Variants in GPC3 observed in about 807,000 individuals in gnomAD.
GPC3 encodes the protein glypican-3.
GPC3 carries 3 observed loss-of-function variants against 34.4 expected under a neutral mutation model. The observed-to-expected ratio is 0.09, with a 90% CI of 0.04 to 0.23. The LOEUF is 0.23. Among genes scored for constraint, GPC3 ranks in the 10% least tolerant of loss-of-function variants. The pLI, the probability that GPC3 is intolerant of heterozygous loss-of-function variation, is 1.00. For missense variants in GPC3, 351 were observed against 445.6 expected (o/e 0.79, Z 1.91); for synonymous variants, 177 against 174.0 (o/e 1.02, Z -0.13).
At chrX:133,879,729 C>T (rs2076033286) in intron 2 of GPC3, among the ~76,000 whole-genome samples, 1 of 109,482 alleles carries the variant, frequency 9.1e-6, no homozygotes, top group African/African-American at 3.3e-5. Flanking sequence ...TCATTTGAAC[C>T]CAGGAGGTGG....
At chrX:133,803,161 G>A (rs1199175686) in intron 2 of GPC3, among the ~76,000 whole-genome samples, 1 of 111,586 alleles carries the variant, frequency 9.0e-6, no homozygotes, top group Non-Finnish European at 1.9e-5. Context: ...TCCTGACCTC[G>A]TGATCCGCCC....
chrX:133,950,980 C>T (rs1330303786), intron 2 of GPC3, among the ~76,000 whole-genome samples: 1 of 109,353 alleles, frequency 9.1e-6, no homozygotes, highest in Non-Finnish European at 1.9e-5. Flanking sequence ...TTAGCTCAGA[C>T]ATAATTTCAT....
intron 6 of GPC3, among the ~76,000 whole-genome samples, chrX:133,639,855 A>G (rs766231407): frequency 1.7e-4 from 19 of 111,099 alleles, no homozygotes; most frequent in Non-Finnish European, 3.4e-4. Context: ...GCTGTTCTCA[A>G]TACTGTCATG....
At chrX:133,845,783 T>C (rs1178418968) in intron 2 of GPC3, among the ~76,000 whole-genome samples, 2 of 112,273 alleles carry the variant, frequency 1.8e-5, no homozygotes, top group African/African-American at 6.5e-5. Context: ...AGGGTCTTCC[T>C]CTCTCACAGT....
intron 2 of GPC3, among the ~76,000 whole-genome samples, chrX:133,811,566 A>G (rs1324767162): frequency 9.0e-6 from 1 of 111,569 alleles, no homozygotes; most frequent in Non-Finnish European, 1.9e-5. Context: ...TTAAATCTCT[A>G]TTGCATATCT....
chrX:133,851,042 G>A (rs1021222787), intron 2 of GPC3, among the ~76,000 whole-genome samples: 13 of 111,554 alleles, frequency 1.2e-4, no homozygotes, highest in African/African-American at 4.2e-4. Flanking sequence ...AGTTGGAGGT[G>A]CAGTGAGCTG....
chrX:133,847,317 A>G (rs1285477287), intron 2 of GPC3, among the ~76,000 whole-genome samples: 1 of 111,948 alleles, frequency 8.9e-6, no homozygotes, highest in African/African-American at 3.2e-5. Flanking sequence ...TTAAAAAAAA[A>G]TGCTTAAAAA....
chrX:133,979,373 A>T (rs1046774877), intron 1 of GPC3, among the ~76,000 whole-genome samples: 6 of 112,213 alleles, frequency 5.3e-5, no homozygotes, highest in Admixed American at 4.7e-4. Flanking sequence ...CTACACACAA[A>T]AAGAGGGAAA....
At chrX:133,661,570 CT>C (rs2070718650) in intron 6 of GPC3, among the ~76,000 whole-genome samples, 159 bp downstream of exon 6, 1 of 2,682 alleles carries the variant, frequency 3.7e-4, no homozygotes, top group Non-Finnish European at 1.0e-3. Context: ...ATCTCTCTTT[CT>C]CTCTCTCTCT....
intron 2 of GPC3, among the ~76,000 whole-genome samples, chrX:133,819,050 A>T (rs942846964): frequency 3.7e-5 from 4 of 107,061 alleles, no homozygotes; most frequent in Non-Finnish European, 7.7e-5. Flanking sequence ...TGTGCAGGTT[A>T]GTTACATATG....
chrX:133,686,768 A>AACACACACACACACACACAC (rs762283767), intron 5 of GPC3, among the ~76,000 whole-genome samples: 1 of 98,026 alleles, frequency 1.0e-5, no homozygotes, highest in Non-Finnish European at 2.1e-5. Flanking sequence ...ATTTTACCTC[A>AACACACACACACACACACAC]ACACACACAC....
chrX:133,898,147 T>C lies in GPC3; in HGVS notation c.337+54903A>G, dbSNP rs189863914. ...AGTAATCCGATATAATAAAGGTGCC[T>C]CTCTCCCTTCCCACTTTGGTAATAT... On this transcript the variant is annotated intron_variant, in intron 2 of 7. Coordinates refer to ENST00000370818, the MANE Select transcript of GPC3 (RefSeq NM_004484.4). Among the ~76,000 whole-genome samples the C allele has an allele frequency of 4.5e-3, 500 of 111,545 alleles. 2 individuals carry two copies. The highest frequency in any genetic ancestry group is 0.016 in the African/African-American group (476 of 30,670).
chrX:133,646,973 A>G (rs1177656696), intron 6 of GPC3, among the ~76,000 whole-genome samples: 1 of 112,227 alleles, frequency 8.9e-6, no homozygotes, highest in Non-Finnish European at 1.9e-5. Flanking sequence ...ATTTCTCAAT[A>G]AAATAGAGGA....
At chrX:133,558,563 G>A (rs2069513726) in intron 7 of GPC3, among the ~76,000 whole-genome samples, 1 of 110,788 alleles carries the variant, frequency 9.0e-6, no homozygotes, top group Non-Finnish European at 1.9e-5. Context: ...GATCTTTGTC[G>A]CCATTACCTG....
chrX:133,565,079 G>C (rs547550054), intron 7 of GPC3, among the ~76,000 whole-genome samples: 1 of 112,335 alleles, frequency 8.9e-6, no homozygotes, highest in African/African-American at 3.2e-5. Context: ...AAGTCTTCAT[G>C]CTGGTGTCTC....
chrX:133,968,916 T>C (rs954341295), intron 1 of GPC3, among the ~76,000 whole-genome samples: 6 of 111,017 alleles, frequency 5.4e-5, no homozygotes, highest in Admixed American at 9.6e-5. Flanking sequence ...GTCAGGCACA[T>C]GATTTTCCAA....
Position 133,699,924 on chromosome X carries a change from T to C in GPC3, c.1137A>G (p.Glu379=), listed in dbSNP as rs750829773. 7 of 1,204,905 alleles carry C rather than the reference T, an allele frequency of 5.8e-6. No individual in the cohort carries two copies. The South Asian group carries it at 1.2e-4, about 21-fold the overall frequency. Residue 379 remains glutamate, a synonymous_variant, in exon 4 of 8, where the codon GAA becomes GAG. Coordinates refer to ENST00000370818, the MANE Select transcript of GPC3 (RefSeq NM_004484.4). ...TTCGGCTGGATAAGGTTTCTTCATG[T>C]TCTACATGAGCAACTTTTAATACTT... ...DKKVLKVAHV[E]HEETLSSRRR...
At chrX:133,858,217 C>T in intron 2 of GPC3, among the ~76,000 whole-genome samples, 1 of 112,309 alleles carries the variant, frequency 8.9e-6, no homozygotes, top group South Asian at 3.7e-4. Flanking sequence ...TGTCTTTCCA[C>T]CTTCTCCTAT....
intron 2 of GPC3, among the ~76,000 whole-genome samples, chrX:133,791,000 T>C (rs1366845033): frequency 2.7e-5 from 3 of 111,712 alleles, no homozygotes; most frequent in Non-Finnish European, 5.6e-5. Context: ...TGGTCTACCA[T>C]GTGGATGAGG....
Sources: gnomAD v4.1 joint callset for allele counts (sites outside exome capture counted in the v4.1 genomes callset) on GRCh38, gnomAD v4.1.1 for gene constraint, MANE v1.5 for transcripts, NCBI Gene and HGNC (gene_info 2026-07-23, HGNC 2026-07-21) for gene names.